RRN3: variants seen among roughly 807,000 people sequenced by gnomAD.
The protein encoded by RRN3 is RNA polymerase I transcription factor RRN3, also known as RNA polymerase I-specific transcription initiation factor RRN3.
Under a neutral mutation model 82.3 loss-of-function variants are expected in RRN3, and 38 were observed. The ratio of observed to expected loss-of-function variants is 0.46; its 90% CI spans 0.36 to 0.61. The LOEUF (loss-of-function observed/expected upper bound fraction) is 0.61. RRN3 is among the 20% of genes least tolerant of loss of function. The probability of loss-of-function intolerance (pLI) is 0.00; values close to 1 mark genes in which losing one functional copy is unlikely to be tolerated. For synonymous variants in RRN3, 284 were observed against 284.3 expected, an observed-to-expected ratio of 1.00 and a Z score of 0.01; for missense variants, 726 against 793.1, an observed-to-expected ratio of 0.92 and a Z score of 1.02.
chr16:15,087,006 A>T (rs897312013), intron 3 of RRN3, among the ~76,000 whole-genome samples: 16 of 152,216 alleles, frequency 1.1e-4, no homozygotes, highest in African/African-American at 3.6e-4. Context: ...TTTTTCGGGC[A>T]ATCAAATTAC....
Position 15,060,166 on chromosome 16 carries a change from C to G in RRN3, c.*1578G>C. On this transcript the variant is annotated 3_prime_UTR_variant, in exon 18 of 18. Coordinates refer to ENST00000198767, the MANE Select transcript of RRN3 (RefSeq NM_018427.5). ...AGACTTATATGTAAATGTCTTTCTA[C>G]ATTAAAACTACTTCCCAACCCACAA... The G allele has an allele frequency of 2.4e-6, 1 of 424,592 alleles. No individual in the cohort carries two copies. The highest frequency in any genetic ancestry group is 1.8e-5 in the South Asian group (1 of 56,152). 26.3% of individuals were successfully genotyped at this position (424,592 alleles called of 1,614,324 possible).
chr16:15,091,297 A>G lies in RRN3; in HGVS notation c.252+18T>C. 12 of 1,603,460 alleles carry G rather than the reference A, an allele frequency of 7.5e-6. No individual in the cohort carries two copies. The highest frequency in any genetic ancestry group is 1.0e-5 in the Non-Finnish European group (12 of 1,174,488). On this transcript the variant is annotated intron_variant, in intron 3 of 17. Transcript: ENST00000198767. ...AGTGGCAATAATTTTGCTAATGATC[A>G]AACACAAAATTAATTACCTTTATGT...
intron 9 of RRN3, among the ~76,000 whole-genome samples, chr16:15,078,077 C>T (rs2045542465): frequency 6.6e-6 from 1 of 152,146 alleles, no homozygotes; most frequent in Non-Finnish European, 1.5e-5. Flanking sequence ...TCAAACCATG[C>T]CATTTTTTAT....
At chr16:15,080,503 T>C (rs553249324) in intron 8 of RRN3, among the ~76,000 whole-genome samples, 19 of 152,204 alleles carry the variant, frequency 1.2e-4, no homozygotes, top group Non-Finnish European at 1.0e-4. Flanking sequence ...GGTGCAATCA[T>C]AGCTCACTGC....
intron 14 of RRN3, 142 bp downstream of exon 14, chr16:15,069,928 G>A: frequency 8.2e-7 from 1 of 1,218,430 alleles, no homozygotes. Context: ...TGAGCTGCTT[G>A]AAATTATTAT....
At chr16:15,069,349 C>T (rs1338867589) in intron 14 of RRN3, among the ~76,000 whole-genome samples, 1 of 151,686 alleles carries the variant, frequency 6.6e-6, no homozygotes, top group Non-Finnish European at 1.5e-5. Flanking sequence ...GGTTCAGAGA[C>T]CCCGGTTTAG....
At chr16:15,088,773 C>A (rs893336341) in intron 3 of RRN3, among the ~76,000 whole-genome samples, 2 of 152,098 alleles carry the variant, frequency 1.3e-5, no homozygotes, top group African/African-American at 4.8e-5. Context: ...ACCAAGCCAA[C>A]AGATAATAAA....
chr16:15,077,789 C>A (rs1490501309), intron 9 of RRN3, among the ~76,000 whole-genome samples: 7 of 152,158 alleles, frequency 4.6e-5, no homozygotes, highest in Non-Finnish European at 4.4e-5. Context: ...TGCAGTGAGC[C>A]GAGATCGCAC....
intron 16 of RRN3, among the ~76,000 whole-genome samples, chr16:15,064,125 G>A (rs997223492): frequency 1.3e-5 from 2 of 151,972 alleles, no homozygotes; most frequent in Non-Finnish European, 2.9e-5. Context: ...GTTAAGGCTG[G>A]CCCAGTGGTT....
rs908872470 is a variant in RRN3 at position 15,061,979 on chromosome 16, G to C, written c.1795-74C>G. 26 of 1,433,580 alleles carry C rather than the reference G, an allele frequency of 1.8e-5. No homozygotes were observed. In the African/African-American group the frequency reaches 3.4e-4, roughly 19 times the overall value. The allele number at this position is 1,433,580 out of a possible 1,614,324, so 88.8% of individuals were successfully genotyped here. A position where few individuals can be genotyped will look rare whatever the true frequency, so the allele number is the denominator to read the frequency against. ...AAGCTTTCAACAATTCCTTCCTCAG[G>C]AAGGTGTTAACGTTTGTAAAGATGG... is the stretch of plus-strand genomic sequence containing the variant. On this transcript the variant is annotated intron_variant, in intron 17 of 17. Coordinates refer to ENST00000198767, the MANE Select transcript of RRN3 (RefSeq NM_018427.5).
In RRN3 at chr16:15,082,342, T is replaced by C. The variant is rs536027754; in HGVS notation, c.666+1171A>G. 1.6e-3 allele frequency among the ~76,000 whole-genome samples: 238 copies of C among 152,234 alleles called. 2 individuals are homozygous for C. Among genetic ancestry groups the C allele is most frequent in the Non-Finnish European group, 9.7e-4 (66 of 68,010 alleles). On this transcript the variant is annotated intron_variant, in intron 8 of 17. Coordinates refer to ENST00000198767, the MANE Select transcript of RRN3 (RefSeq NM_018427.5). ...TATGTGGTTTTTGTCCTTTGTTCTATTGCTACAAAATATTTTATTAATTCA... is the reference window on the plus strand; with the variant it reads ...TATGTGGTTTTTGTCCTTTGTTCTACTGCTACAAAATATTTTATTAATTCA...
rs1406004467 is a variant in RRN3, at chr16:15,060,085, G to A, written c.*1659C>T. 3.2e-6 allele frequency: 1 copy of A among 315,244 alleles called. No homozygotes were observed. Among genetic ancestry groups the A allele is most frequent in the Non-Finnish European group, 6.3e-6 (1 of 157,598 alleles). 19.5% of individuals were successfully genotyped at this position (315,244 alleles called of 1,614,324 possible). A position where few individuals can be genotyped will look rare whatever the true frequency, so the allele number is the denominator to read the frequency against. On this transcript the variant is annotated 3_prime_UTR_variant, in exon 18 of 18. Coordinates refer to ENST00000198767, the MANE Select transcript of RRN3 (RefSeq NM_018427.5). Reference sequence around the variant, plus strand: ...AGAACGTAAGTTCCAGATTAACCATGTCATTGTTTCATTTTCACCATGGAT... The same window carrying A: ...AGAACGTAAGTTCCAGATTAACCATATCATTGTTTCATTTTCACCATGGAT...
chr16:15,081,525 G>A (rs1161047379), intron 8 of RRN3, among the ~76,000 whole-genome samples: 2 of 151,992 alleles, frequency 1.3e-5, no homozygotes, highest in Non-Finnish European at 2.9e-5. Flanking sequence ...CACTTCAGTT[G>A]GGCTATTTGC....
intron 12 of RRN3, among the ~76,000 whole-genome samples, chr16:15,071,966 G>A (rs575778765): frequency 1.1e-4 from 17 of 152,212 alleles, no homozygotes; most frequent in Non-Finnish European, 2.2e-4. Flanking sequence ...AGCACCTTCC[G>A]GTCTCTGGAC....
chr16:15,093,718 G>A (rs537499384), intron 1 of RRN3, among the ~76,000 whole-genome samples: 1 of 152,160 alleles, frequency 6.6e-6, no homozygotes, highest in Non-Finnish European at 1.5e-5. Flanking sequence ...TAAAGACTGC[G>A]AAACAAATAC....
intron 14 of RRN3, among the ~76,000 whole-genome samples, chr16:15,069,447 C>G (rs1461087050): frequency 6.6e-6 from 1 of 152,204 alleles, no homozygotes; most frequent in East Asian, 1.9e-4. Flanking sequence ...CTTGGAGACT[C>G]TCTTCAACTA....
At chr16:15,086,616 C>A (rs571244813) in intron 3 of RRN3, among the ~76,000 whole-genome samples, 162 bp from the exon 4 acceptor site, 1 of 152,230 alleles carries the variant, frequency 6.6e-6, no homozygotes, top group East Asian at 1.9e-4. Flanking sequence ...AAAGATGTCA[C>A]AATAAATTAC....
intron 3 of RRN3, among the ~76,000 whole-genome samples, chr16:15,087,456 T>A (rs559198443): frequency 6.6e-6 from 1 of 152,218 alleles, no homozygotes; most frequent in Non-Finnish European, 1.5e-5. Flanking sequence ...GGCTATCCTC[T>A]GTCCACCGTC....
intron 10 of RRN3, 60 bp from the exon 11 acceptor site, chr16:15,074,921 G>C: frequency 6.7e-7 from 1 of 1,491,358 alleles, no homozygotes; most frequent in Non-Finnish European, 9.1e-7. Flanking sequence ...TGGTTTAGTA[G>C]GAAAACTGTC....
Sources: gnomAD v4.1 joint callset for allele counts (sites outside exome capture counted in the v4.1 genomes callset) on GRCh38, gnomAD v4.1.1 for gene constraint, MANE v1.5 for transcripts, NCBI Gene and HGNC (gene_info 2026-07-23, HGNC 2026-07-21) for gene names.